PUM2: variants seen among roughly 807,000 people sequenced by gnomAD.
PUM2 encodes the protein pumilio RNA binding family member 2, also known as pumilio homolog 2.
In PUM2, 57 loss-of-function variants were observed where a neutral mutation model predicts 124.5. The observed-to-expected ratio is 0.46, with a 90% CI of 0.37 to 0.57. The LOEUF (loss-of-function observed/expected upper bound fraction) is 0.57. Ranked by LOEUF, PUM2 falls within the 20% of genes least tolerant of loss-of-function variation. The pLI is 0.00. For synonymous variants in PUM2, 460 were observed against 446.1 expected (o/e 1.03, Z -0.39); for missense variants, 1,065 against 1,290.6 (o/e 0.83, Z 2.68).
Position 20,278,518 on chromosome 2 carries a change from A to AAC in PUM2, c.1957+63_1957+64dup, listed in dbSNP as rs141308371. On this transcript the variant is annotated intron_variant, in intron 13 of 20. Transcript: ENST00000361078. ...CATTAAATATTTTACATATATTATA[A>AAC]ACACACACACAAACACACATACATG... The AAC allele has an allele frequency of 1.4e-3, 1,787 of 1,300,402 alleles. 14 individuals carry two copies. In the East Asian group the frequency reaches 0.02, roughly 15 times the overall value. 80.6% of individuals were successfully genotyped at this position (1,300,402 alleles called of 1,614,324 possible). A position where few individuals can be genotyped will look rare whatever the true frequency, so the allele number is the denominator to read the frequency against.
intron 1 of PUM2, among the ~76,000 whole-genome samples, chr2:20,332,422 A>AC (rs1558665407): frequency 1.3e-5 from 2 of 150,062 alleles, no homozygotes; most frequent in Non-Finnish European, 3.0e-5. Flanking sequence ...AAAAAAAAAA[A>AC]CCCACCCCCA....
In PUM2 at chr2:20,255,346, G is replaced by T. The variant is rs2148425271; in HGVS notation, c.2623-5C>A. 6.2e-7 allele frequency: 1 copy of T among 1,609,480 alleles called. No homozygotes were observed. ...ATGAGTTGAAAGCACAAATACCTGA[G>T]GACAATTAGAAGAATTAAAATTTGT... On this transcript the variant is annotated splice_region_variant and splice_polypyrimidine_tract_variant and intron_variant, in intron 17 of 20. Coordinates refer to ENST00000361078, the MANE Select transcript of PUM2 (RefSeq NM_015317.5).
chr2:20,283,213 C>T lies in PUM2; in HGVS notation c.1454G>A (p.Gly485Glu). ...GCCTGTAAGGCTACTTGCAGTTCCT[C>T]CAGCTGCTGCTGCTGCTGCTGTAAA... ...AAQAAAAAAA[G>E]GTASSLTGST... Residue 485 changes from glycine (G) to glutamate (E), a missense_variant, in exon 12 of 21, where the codon GGA (glycine) becomes GAA (glutamate). Around this residue, in one of 3 missense-constraint regions of PUM2, gnomAD observed 968 missense variants for 1,159.8 expected, o/e 0.83. Transcript: ENST00000361078. The T allele has an allele frequency of 1.2e-6, 2 of 1,612,452 alleles. No homozygotes were observed. Among genetic ancestry groups the T allele is most frequent in the Non-Finnish European group, 1.7e-6 (2 of 1,178,700 alleles).
chr2:20,267,617 G>A (rs918674853), intron 13 of PUM2, among the ~76,000 whole-genome samples: 5 of 152,146 alleles, frequency 3.3e-5, no homozygotes, highest in Non-Finnish European at 7.3e-5. Context: ...TCGTCATTCA[G>A]TCCCCACTAT....
At chr2:20,279,396 C>A (rs986695639) in intron 12 of PUM2, among the ~76,000 whole-genome samples, 2 of 152,072 alleles carry the variant, frequency 1.3e-5, no homozygotes, top group African/African-American at 4.8e-5. Context: ...ATTTTTTACA[C>A]TACGCATTCT....
At chr2:20,261,721 G>A (rs1666333245) in intron 14 of PUM2, among the ~76,000 whole-genome samples, 2 of 152,068 alleles carry the variant, frequency 1.3e-5, no homozygotes, top group Non-Finnish European at 2.9e-5. Context: ...GTGCATTTGT[G>A]TCTTAGTTCT....
intron 19 of PUM2, 135 bp downstream of exon 19, chr2:20,254,728 T>C (rs1195597987): frequency 5.4e-6 from 5 of 930,178 alleles, no homozygotes; most frequent in Non-Finnish European, 7.8e-6. Context: ...AGCAATGTTC[T>C]ATAGGTGCAT....
chr2:20,260,499 G>GT, intron 14 of PUM2, 33 bp from the exon 15 acceptor site: 1 of 1,561,398 alleles, frequency 6.4e-7, no homozygotes, highest in Non-Finnish European at 8.8e-7. Flanking sequence ...ATGACAATAT[G>GT]TTTTTTAATA....
chr2:20,350,559 C>G, intron 1 of PUM2, 38 bp downstream of exon 1: 4 of 985,576 alleles, frequency 4.1e-6, no homozygotes, highest in Non-Finnish European at 4.8e-6. Context: ...TCGACGGCGC[C>G]AAAGGACCGG....
chr2:20,297,821 G>T, intron 7 of PUM2, 143 bp from the exon 8 acceptor site: 2 of 769,500 alleles, frequency 2.6e-6, no homozygotes, highest in Non-Finnish European at 4.0e-6. Context: ...TTTACTAAGT[G>T]ACCTTGGGCA....
At chr2:20,317,787 C>T (rs954370797) in intron 3 of PUM2, among the ~76,000 whole-genome samples, 13 of 152,070 alleles carry the variant, frequency 8.5e-5, no homozygotes, top group Non-Finnish European at 1.9e-4. Context: ...TGAGAACATT[C>T]AGTATTTGGT....
At chr2:20,312,751 G>A (rs763904018) in intron 3 of PUM2, among the ~76,000 whole-genome samples, 4 of 152,032 alleles carry the variant, frequency 2.6e-5, no homozygotes, top group Non-Finnish European at 4.4e-5. Context: ...AAAAGAGTCC[G>A]CATAGCCAAG....
At chr2:20,345,883 G>A (rs563419153) in intron 1 of PUM2, among the ~76,000 whole-genome samples, 1 of 152,260 alleles carries the variant, frequency 6.6e-6, no homozygotes, top group South Asian at 2.1e-4. Context: ...CAAAAAACTT[G>A]TGCAGGTATT....
intron 3 of PUM2, among the ~76,000 whole-genome samples, chr2:20,313,428 T>C (rs1352330392): frequency 6.6e-6 from 1 of 152,240 alleles, no homozygotes; most frequent in Non-Finnish European, 1.5e-5. Flanking sequence ...AGAAATAGTA[T>C]GCAAAGGATA....
chr2:20,351,710 T>C (rs1469688372), upstream of PUM2, among the ~76,000 whole-genome samples: 1 of 152,214 alleles, frequency 6.6e-6, no homozygotes, highest in Non-Finnish European at 1.5e-5. Context: ...CGATTTGTTC[T>C]TGATGGTTTG....
intron 13 of PUM2, among the ~76,000 whole-genome samples, chr2:20,270,889 C>G (rs752127056): frequency 3.3e-5 from 5 of 151,960 alleles, no homozygotes; most frequent in Non-Finnish European, 5.9e-5. Flanking sequence ...AACCTAGAAA[C>G]AATTCCATTA....
intron 13 of PUM2, among the ~76,000 whole-genome samples, chr2:20,266,058 T>C (rs1667569737): frequency 1.3e-5 from 2 of 152,212 alleles, no homozygotes; most frequent in African/African-American, 2.4e-5. Context: ...GCACATCGTA[T>C]ACAATATCTA....
intron 1 of PUM2, among the ~76,000 whole-genome samples, chr2:20,330,230 T>C (rs964566180): frequency 6.6e-6 from 1 of 152,096 alleles, no homozygotes; most frequent in African/African-American, 2.4e-5. Flanking sequence ...CTGCGGAAAA[T>C]ATCACCTTAG....
intron 13 of PUM2, among the ~76,000 whole-genome samples, chr2:20,263,896 T>C (rs1315484421): frequency 6.6e-6 from 1 of 152,126 alleles, no homozygotes; most frequent in East Asian, 1.9e-4. Context: ...AAATCTCTAG[T>C]TTTTGCATTC....
Sources: gnomAD v4.1 joint callset for allele counts (sites outside exome capture counted in the v4.1 genomes callset) on GRCh38, gnomAD v4.1.1 for gene constraint, gnomAD v4.1.1 regional missense constraint, MANE v1.5 for transcripts, NCBI Gene and HGNC (gene_info 2026-07-23, HGNC 2026-07-21) for gene names.